The following PYGL variants were observed in gnomAD, a reference collection of about 807,000 sequenced individuals.
PYGL encodes glycogen phosphorylase, liver form.
A neutral mutation model predicts 100.1 loss-of-function variants in PYGL; 90 were observed. That is an observed-to-expected ratio of 0.90 (90% CI 0.76 to 1.07). The LOEUF (loss-of-function observed/expected upper bound fraction) is 1.07. PYGL is among the 50% of genes least tolerant of loss of function. The pLI is 0.00. For synonymous variants in PYGL, 373 were observed against 393.0 expected (o/e 0.95, Z 0.60); for missense variants, 1,016 against 1,057.6 (o/e 0.96, Z 0.55).
At chr14:50,906,842 ACT>A (rs2050341006) in intron 19 of PYGL, among the ~76,000 whole-genome samples, 3 of 152,316 alleles carry the variant, frequency 2.0e-5, no homozygotes, top group Admixed American at 2.0e-4. Flanking sequence ...TCTATATGCC[ACT>A]GGGGGACTGG....
intron 11 of PYGL, 146 bp downstream of exon 11, chr14:50,915,190 T>TA: frequency 3.0e-6 from 3 of 1,009,778 alleles, no homozygotes; most frequent in Non-Finnish European, 4.4e-6. Context: ...TTTTTTTTTT[T>TA]AGGCAAGAGT....
intron 17 of PYGL, 49 bp from the exon 18 acceptor site, chr14:50,909,004 T>C: frequency 6.4e-7 from 1 of 1,558,814 alleles, no homozygotes; most frequent in Non-Finnish European, 8.8e-7. Context: ...TGTTATTGTG[T>C]TGTGTGATTA....
chr14:50,927,646 G>A (rs546459630), intron 4 of PYGL, among the ~76,000 whole-genome samples: 9 of 152,304 alleles, frequency 5.9e-5, no homozygotes, highest in African/African-American at 1.9e-4. Flanking sequence ...CAACTCGTAG[G>A]AGAGTTTATT....
chr14:50,921,283 C>T (rs2050499283), intron 5 of PYGL: 1 of 572,156 alleles, frequency 1.7e-6, no homozygotes, highest in East Asian at 3.0e-5. Context: ...GTGACTGAAA[C>T]CATCCACACT....
At chr14:50,912,919 A>C in intron 13 of PYGL, 110 bp downstream of exon 13, 1 of 977,836 alleles carries the variant, frequency 1.0e-6, no homozygotes. Context: ...GTGCCACTGC[A>C]CTCCAGCCTG....
At chr14:50,926,725 CAAAAAAAAAAAAAA>C (rs60411526) in intron 4 of PYGL, among the ~76,000 whole-genome samples, 1 of 42,826 alleles carries the variant, frequency 2.3e-5, no homozygotes, top group Admixed American at 3.5e-4. Flanking sequence ...GACTCTGTCT[CAAAAAAAAAAAAAA>C]AAAAAAAAAA....
intron 1 of PYGL, among the ~76,000 whole-genome samples, chr14:50,941,803 G>T (rs141605193): frequency 6.6e-6 from 1 of 152,114 alleles, no homozygotes; most frequent in Admixed American, 6.5e-5. Flanking sequence ...ACTTGAACCC[G>T]AGAGGCAGAG....
chr14:50,937,867 C>T, intron 1 of PYGL, 30 bp from the exon 2 acceptor site: 3 of 1,561,098 alleles, frequency 1.9e-6, no homozygotes, highest in Non-Finnish European at 2.6e-6. Context: ...GATAATGTTT[C>T]CCCCAAGAGA....
chr14:50,916,209 A>G (rs936490915), intron 9 of PYGL, among the ~76,000 whole-genome samples: 1 of 152,242 alleles, frequency 6.6e-6, no homozygotes, highest in Non-Finnish European at 1.5e-5. Flanking sequence ...TGATCAATCT[A>G]TCTACTATCC....
intron 4 of PYGL, among the ~76,000 whole-genome samples, chr14:50,926,725 CAAAAAAAAAAAA>C (rs60411526): frequency 0.057 from 2,459 of 42,964 alleles, 29 homozygotes; most frequent in Middle Eastern, 0.15. Flanking sequence ...GACTCTGTCT[CAAAAAAAAAAAA>C]AAAAAAAAAA....
intron 4 of PYGL, among the ~76,000 whole-genome samples, chr14:50,931,245 A>G (rs2139190664): frequency 1.3e-5 from 2 of 151,888 alleles, no homozygotes; most frequent in Middle Eastern, 6.8e-3. Flanking sequence ...AGGTAACTTT[A>G]CTTCCTCAGA....
chr14:50,939,039 T>A (rs75233172), intron 1 of PYGL, among the ~76,000 whole-genome samples: 3,252 of 152,202 alleles, frequency 0.021, 29 homozygotes, highest in African/African-American at 0.034. Flanking sequence ...TTAATTTATT[T>A]ATTTATTGAT....
chr14:50,915,554 G>A, intron 10 of PYGL, 55 bp from the exon 11 acceptor site: 3 of 1,600,774 alleles, frequency 1.9e-6, no homozygotes, highest in Non-Finnish European at 2.6e-6. Flanking sequence ...TGCAACATTG[G>A]GATAACGCTG....
chr14:50,928,592 C>T (rs951995425), intron 4 of PYGL, among the ~76,000 whole-genome samples: 2 of 152,188 alleles, frequency 1.3e-5, no homozygotes, highest in African/African-American at 2.4e-5. Context: ...AGGACTGTTA[C>T]TGCACTCCCC....
intron 1 of PYGL, among the ~76,000 whole-genome samples, chr14:50,943,619 C>G (rs1201240827): frequency 6.6e-6 from 1 of 152,250 alleles, no homozygotes; most frequent in African/African-American, 2.4e-5. Context: ...GGAGCGGGAC[C>G]CTGCCCCTCC....
chr14:50,916,079 G>T, intron 9 of PYGL, 108 bp from the exon 10 acceptor site: 1 of 1,463,032 alleles, frequency 6.8e-7, no homozygotes, highest in Non-Finnish European at 9.4e-7. Context: ...CATTCCAAGT[G>T]TGCATAGTCA....
rs766875279 is a variant in PYGL, at chr14:50,908,918, G to A, written c.2215C>T (p.Leu739=). The A allele has an allele frequency of 1.4e-5, 23 of 1,602,418 alleles. No individual in the cohort carries two copies. In the South Asian group the frequency reaches 2.4e-4, roughly 17 times the overall value. The stretch of plus-strand genomic sequence containing the variant: ...TCAATTTGATCAATGACCAGCTTCA[G>A]CTCTGGAAGTGCCTCATAGTATTCT... ...AKEYYEALPE[L]KLVIDQIDNG... is the part of the protein sequence containing the mutation. Residue 739 remains leucine (L), a synonymous_variant, in exon 18 of 20, where the codon CTG becomes TTG. Coordinates refer to ENST00000216392, the MANE Select transcript of PYGL (RefSeq NM_002863.5).
chr14:50,908,981 T>TAA (rs11414268), intron 17 of PYGL, 26 bp from the exon 18 acceptor site: 61 of 1,535,152 alleles, frequency 4.0e-5, no homozygotes, highest in Middle Eastern at 1.7e-4. Context: ...GGGTGGGTGA[T>TAA]AAAAAAAGGC....
At position 50,935,054 on chromosome 14, in the gene PYGL, C is replaced by T. The variant is rs375996857; in HGVS notation, c.424+53G>A. The T allele has an allele frequency of 7.6e-4, 1,149 of 1,505,298 alleles. 2 individuals carry two copies. The highest frequency in any genetic ancestry group is 9.8e-4 in the Non-Finnish European group (1,062 of 1,081,788). 93.2% of individuals were successfully genotyped at this position (1,505,298 alleles called of 1,614,324 possible). On this transcript the variant is annotated intron_variant, in intron 3 of 19. Coordinates refer to ENST00000216392, the MANE Select transcript of PYGL (RefSeq NM_002863.5). ...TTGCAAGCATGGTCATGCATGGCAT[C>T]TGAGATGTCTTCAATCGGCCAGACA... is the stretch of plus-strand genomic sequence containing the variant.
Sources: gnomAD v4.1 joint callset for allele counts (sites outside exome capture counted in the v4.1 genomes callset) on GRCh38, gnomAD v4.1.1 for gene constraint, MANE v1.5 for transcripts, NCBI Gene and HGNC (gene_info 2026-07-23, HGNC 2026-07-21) for gene names.